Variants in CACNA1G observed in about 807,000 individuals in gnomAD.
CACNA1G encodes voltage-dependent T-type calcium channel subunit alpha-1G.
A neutral mutation model predicts 219.4 loss-of-function variants in CACNA1G; 67 were observed. The observed-to-expected ratio is 0.31, with a 90% CI of 0.25 to 0.37. CACNA1G has a LOEUF of 0.37. CACNA1G is among the 10% of genes least tolerant of loss of function. The pLI is 1.00. For synonymous variants in CACNA1G, 1,296 were observed against 1,345.3 expected, an observed-to-expected ratio of 0.96 and a Z score of 0.80; for missense variants, 2,380 against 3,231.4, an observed-to-expected ratio of 0.74 and a Z score of 6.39.
At chr17:50,577,686 T>C (rs192165544) in intron 8 of CACNA1G, among the ~76,000 whole-genome samples, 1 of 151,952 alleles carries the variant, frequency 6.6e-6, no homozygotes, top group African/African-American at 2.4e-5. Context: ...CATGTATGTG[T>C]GCCCATATGG....
rs138289121 is a variant in CACNA1G at position 50,607,363 on chromosome 17, G to A, written c.4512+374G>A. 471 of 363,678 alleles carry A rather than the reference G, an allele frequency of 1.3e-3. 3 individuals carry two copies. The highest frequency in any genetic ancestry group is 8.7e-3 in the African/African-American group (411 of 47,380). The allele number at this position is 363,678 out of a possible 1,614,324, so 22.5% of individuals were successfully genotyped here. ...CTACAAAAAATAAAAACAATTAGCCGGGTGTGGTGGTATCATCTGGAGTCC... is the reference window on the plus strand; with the variant it reads ...CTACAAAAAATAAAAACAATTAGCCAGGTGTGGTGGTATCATCTGGAGTCC... On this transcript the variant is annotated intron_variant, in intron 24 of 37. Transcript: ENST00000359106.
chr17:50,591,557 T>G lies in CACNA1G; in HGVS notation c.2576T>G (p.Met859Arg), dbSNP rs1057521328. 7 of 1,612,894 alleles carry G rather than the reference T, an allele frequency of 4.3e-6. No individual in the cohort carries two copies. Among genetic ancestry groups the G allele is most frequent in the Non-Finnish European group, 5.9e-6 (7 of 1,179,630 alleles). ...PALQRQLVVL[M>R]KTMDNVATFC... is the part of the protein sequence containing the mutation. ...CTGCAGCGGCAGCTGGTGGTGCTCA[T>G]GAAGACCATGGACAACGTGGCCACC... is the stretch of plus-strand genomic sequence containing the variant. Residue 859 changes from methionine (M) to arginine (R), a missense_variant, in exon 11 of 38, where the codon ATG (methionine) becomes AGG (arginine). Met to Arg is a moderately conservative substitution (Grantham distance 91, BLOSUM62 -1). This residue lies in a region of CACNA1G where 82 missense variants were observed against 140.7 expected (regional missense o/e 0.58). Coordinates refer to ENST00000359106, the MANE Select transcript of CACNA1G (RefSeq NM_018896.5).
At chr17:50,608,468 C>T (rs959492185) in intron 25 of CACNA1G, among the ~76,000 whole-genome samples, 3 of 150,326 alleles carry the variant, frequency 2.0e-5, no homozygotes, top group Admixed American at 6.6e-5. Flanking sequence ...TGGACAACAG[C>T]GTAAAAGAGA....
intron 27 of CACNA1G, among the ~76,000 whole-genome samples, chr17:50,615,930 C>T (rs774603911): frequency 8.5e-5 from 13 of 152,244 alleles, no homozygotes; most frequent in Non-Finnish European, 1.2e-4. Flanking sequence ...GCCTTCCAGC[C>T]GTCGGTTTCC....
In CACNA1G at chr17:50,570,289, C is replaced by T. The variant is rs753231777; in HGVS notation, c.586+486C>T. Among the ~76,000 whole-genome samples the T allele has an allele frequency of 1.4e-4, 21 of 152,312 alleles. No individual in the cohort carries two copies. The South Asian group carries it at 2.1e-3, about 15-fold the overall frequency. ...GCCTCTGTCCCCTTCCTCCTTCCCGCCCCCTTCCAACCCATTGCAGTAACT... is the reference window on the plus strand; with the variant it reads ...GCCTCTGTCCCCTTCCTCCTTCCCGTCCCCTTCCAACCCATTGCAGTAACT... On this transcript the variant is annotated intron_variant, in intron 4 of 37. Transcript: ENST00000359106.
Position 50,617,568 on chromosome 17 carries a change from C to A in CACNA1G, c.5152C>A (p.Arg1718=), listed in dbSNP as rs781412936. ...CATCATGAGGGTGCTGCGCATTGCC[C>A]GAGGTTGGTGCCCAGCCCACGCACC... ...IRIMRVLRIA[R]VLKLLKMAVG... The change falls in exon 29 of 38, where the codon CGA becomes AGA. Residue 1718 remains arginine, a synonymous_variant. Transcript: ENST00000359106. This position sits in a 1 kb window ranked among gnomAD's most constrained non-coding sequence, Gnocchi z 5.8. 2.5e-6 allele frequency: 4 copies of A among 1,613,834 alleles called. No individual in the cohort carries two copies. The highest frequency in any genetic ancestry group is 2.5e-6 in the Non-Finnish European group (3 of 1,179,780).
In CACNA1G at chr17:50,603,006, G is replaced by C. The variant is rs764741079; in HGVS notation, c.3985-9G>C. ...GGAGGGCGGCCGATGACGTGGCGGTGGTCCCCAGGTGGTGGCACTGGGCTG... is the reference window on the plus strand; with the variant it reads ...GGAGGGCGGCCGATGACGTGGCGGTCGTCCCCAGGTGGTGGCACTGGGCTG... On this transcript the variant is annotated splice_polypyrimidine_tract_variant and intron_variant, in intron 20 of 37. Transcript: ENST00000359106. This position sits in a 1 kb window ranked among gnomAD's most constrained non-coding sequence, Gnocchi z 6.4. 3.2e-5 allele frequency: 52 copies of C among 1,610,154 alleles called. No homozygotes were observed. The highest frequency in any genetic ancestry group is 3.3e-4 in the Middle Eastern group (2 of 6,052).
intron 5 of CACNA1G, 44 bp from the exon 6 acceptor site, chr17:50,572,510 G>A (rs1220125497): frequency 4.8e-6 from 7 of 1,467,912 alleles, no homozygotes; most frequent in East Asian, 2.5e-5. Flanking sequence ...TCCCTGGAGA[G>A]CCCACTCCCC....
At position 50,596,902 on chromosome 17, in the gene CACNA1G, G is replaced by T. The variant is rs60370274; in HGVS notation, c.3237G>T (p.Ala1079=). The T allele has an allele frequency of 6.4e-7, 1 of 1,568,978 alleles. No individual in the cohort carries two copies. Among genetic ancestry groups the T allele is most frequent in the Non-Finnish European group, 8.6e-7 (1 of 1,157,236 alleles). ...GCAGCGGGTCGGCAGAGCCTGGGGCGGCCCACGAGATGAAGTCACCGGTAG... is the reference window on the plus strand; with the variant it reads ...GCAGCGGGTCGGCAGAGCCTGGGGCTGCCCACGAGATGAAGTCACCGGTAG... ...TSSSGSAEPG[A]AHEMKSPPSA... Residue 1079 remains alanine (A), a synonymous_variant, in exon 16 of 38, where the codon GCG becomes GCT. Coordinates refer to ENST00000359106, the MANE Select transcript of CACNA1G (RefSeq NM_018896.5). The surrounding 1 kb of genome is among the most constrained non-coding windows in gnomAD (Gnocchi z 4.8).
At chr17:50,582,033 C>T (rs898134647) in intron 9 of CACNA1G, among the ~76,000 whole-genome samples, 1 of 152,242 alleles carries the variant, frequency 6.6e-6, no homozygotes, top group African/African-American at 2.4e-5. Flanking sequence ...TGGGAAGAGA[C>T]GTGGACAATT....
At position 50,572,810 on chromosome 17, in the gene CACNA1G, A is replaced by G. The variant is rs2039743753; in HGVS notation, c.1003A>G (p.Ile335Val). Residue 335 changes from isoleucine to valine, a missense_variant, in exon 6 of 38, where the codon ATC becomes GTC. By Grantham distance (29) the Ile-to-Val change is conservative. Coordinates refer to ENST00000359106, the MANE Select transcript of CACNA1G (RefSeq NM_018896.5). ...AGEHNPFKGA[I>V]NFDNIGYAWI... is the part of the protein sequence containing the mutation. ...GGAGCACAACCCCTTCAAGGGCGCCATCAACTTTGACAACATTGGCTATGC... is the reference window on the plus strand; with the variant it reads ...GGAGCACAACCCCTTCAAGGGCGCCGTCAACTTTGACAACATTGGCTATGC... The G allele has an allele frequency of 6.2e-7, 1 of 1,613,830 alleles. No individual in the cohort carries two copies. The highest frequency in any genetic ancestry group is 8.5e-7 in the Non-Finnish European group (1 of 1,179,892).
intron 5 of CACNA1G, 151 bp from the exon 6 acceptor site, chr17:50,572,403 A>C: frequency 1.5e-6 from 1 of 658,980 alleles, no homozygotes; most frequent in South Asian, 2.3e-5. Context: ...GTGCCCACAA[A>C]TCCCTGCCCT....
chr17:50,610,010 A>C (rs980678891), intron 26 of CACNA1G, 75 bp downstream of exon 26: 1 of 1,441,186 alleles, frequency 6.9e-7, no homozygotes, highest in African/African-American at 1.4e-5. Flanking sequence ...CATTGATTCT[A>C]TCCTCTTGGG....
At position 50,596,592 on chromosome 17, in the gene CACNA1G, G is replaced by A. The variant is rs377336879; in HGVS notation, c.3010G>A (p.Asp1004Asn). ...TGCCAACAAGTCCGAATCAGAGCCC[G>A]ATTTCTTCTCACCCAGCCTGGATGG... ...GDANKSESEP[D>N]FFSPSLDGDG... Residue 1004 changes from aspartate to asparagine, a missense_variant, in exon 15 of 38, where the codon GAT becomes AAT. By Grantham distance (23) the Asp-to-Asn change is conservative. Transcript: ENST00000359106. This position sits in a 1 kb window ranked among gnomAD's most constrained non-coding sequence, Gnocchi z 4.8. 149 of 1,613,838 alleles carry A rather than the reference G, an allele frequency of 9.2e-5. No homozygotes were observed. Among genetic ancestry groups the A allele is most frequent in the Non-Finnish European group, 1.2e-4 (141 of 1,179,862 alleles).
intron 1 of CACNA1G, among the ~76,000 whole-genome samples, chr17:50,566,227 A>C (rs1201657099): frequency 3.9e-5 from 6 of 152,128 alleles, no homozygotes; most frequent in Admixed American, 3.3e-4. Flanking sequence ...TCCTGTCGTT[A>C]TGGCAACAGA....
At chr17:50,619,640 G>T in intron 33 of CACNA1G, 43 bp from the exon 34 acceptor site, 1 of 1,583,470 alleles carries the variant, frequency 6.3e-7, no homozygotes. Flanking sequence ...TCTGACCCCT[G>T]CTCCCCTGCC....
Position 50,596,996 on chromosome 17 carries a change from C to A in CACNA1G, c.3258+73C>A. 7.3e-7 allele frequency: 1 copy of A among 1,360,702 alleles called. No homozygotes were observed. Among genetic ancestry groups the A allele is most frequent in the Admixed American group, 2.5e-5 (1 of 39,620 alleles). 84.3% of individuals were successfully genotyped at this position (1,360,702 alleles called of 1,614,324 possible). A position where few individuals can be genotyped will look rare whatever the true frequency, so the allele number is the denominator to read the frequency against. On this transcript the variant is annotated intron_variant, in intron 16 of 37. Transcript: ENST00000359106. This position sits in a 1 kb window ranked among gnomAD's most constrained non-coding sequence, Gnocchi z 4.8. ...GGACAGGAGGAAGAGAGGATGGAGG[C>A]AGGCGGGTCCAAGGGCACAGCCCCT...
chr17:50,581,410 TG>T (rs1014884362), intron 9 of CACNA1G, among the ~76,000 whole-genome samples: 1 of 151,986 alleles, frequency 6.6e-6, no homozygotes, highest in African/African-American at 2.4e-5. Context: ...GGGCGGGCAC[TG>T]GAAAGGGTGT....
In CACNA1G at chr17:50,561,454, C is replaced by T. The variant is rs1298932774; in HGVS notation, c.-6C>T. 21 of 1,533,990 alleles carry T rather than the reference C, an allele frequency of 1.4e-5. No individual in the cohort carries two copies. Among genetic ancestry groups the T allele is most frequent in the Non-Finnish European group, 1.8e-5 (21 of 1,146,546 alleles). On this transcript the variant is annotated 5_prime_UTR_variant, in exon 1 of 38. Coordinates refer to ENST00000359106, the MANE Select transcript of CACNA1G (RefSeq NM_018896.5). ...CGGATCGCCCGGGGCCCCGGCTGGCCAGAGGATGGACGAGGAGGAGGATGG... is the reference window on the plus strand; with the variant it reads ...CGGATCGCCCGGGGCCCCGGCTGGCTAGAGGATGGACGAGGAGGAGGATGG...
Sources: gnomAD v4.1 joint callset for allele counts (sites outside exome capture counted in the v4.1 genomes callset) on GRCh38, gnomAD v4.1.1 for gene constraint, gnomAD v4.1.1 regional missense constraint, Gnocchi (gnomAD v3.1) non-coding constraint, MANE v1.5 for transcripts, NCBI Gene and HGNC (gene_info 2026-07-23, HGNC 2026-07-21) for gene names.